TOM1L2: variants seen among roughly 807,000 people sequenced by gnomAD.
TOM1L2 encodes the protein TOM1-like protein 2.
In TOM1L2, 31 loss-of-function variants were observed where a neutral mutation model predicts 67.9. The ratio of observed to expected loss-of-function variants is 0.46; its 90% CI spans 0.34 to 0.62. TOM1L2 has a LOEUF of 0.62. TOM1L2 is among the 20% of genes least tolerant of loss of function. TOM1L2 has a pLI of 0.01. For missense variants in TOM1L2, 606 were observed against 663.5 expected (o/e 0.91, Z 0.95); for synonymous variants, 256 against 254.0 (o/e 1.01, Z -0.07).
intron 1 of TOM1L2, among the ~76,000 whole-genome samples, chr17:17,939,487 T>A (rs1478976342): frequency 2.0e-5 from 3 of 152,240 alleles, no homozygotes; most frequent in African/African-American, 7.2e-5. Context: ...GTTTCTAAAA[T>A]GAGTCATTTT....
At position 17,862,800 on chromosome 17, in the gene TOM1L2, C is replaced by A. The variant is rs139141212; in HGVS notation, c.1133G>T (p.Cys378Phe). ...CATGTCAAAGCCGTCACGGGGATTACATTGCTGGAGTGAACTGAGGGTGCC... is the reference window on the plus strand; with the variant it reads ...CATGTCAAAGCCGTCACGGGGATTAAATTGCTGGAGTGAACTGAGGGTGCC... ...VSGTLSSLQQ[C>F]NPRDGFDMFA... The change falls in exon 11 of 15, where the codon TGT becomes TTT. Residue 378 changes from cysteine to phenylalanine, a missense_variant. Transcript: ENST00000379504. The A allele has an allele frequency of 9.2e-4, 1,492 of 1,614,180 alleles. 7 individuals carry two copies. Among genetic ancestry groups the A allele is most frequent in the Admixed American group, 9.5e-4 (57 of 60,026 alleles).
chr17:17,969,508 C>T (rs2041989679), intron 1 of TOM1L2, among the ~76,000 whole-genome samples: 1 of 149,382 alleles, frequency 6.7e-6, no homozygotes, highest in Non-Finnish European at 1.5e-5. Context: ...TTTGTCACAA[C>T]AGTACGGAAT....
At chr17:17,913,937 GT>G (rs1389924772) in intron 1 of TOM1L2, among the ~76,000 whole-genome samples, 2 of 152,184 alleles carry the variant, frequency 1.3e-5, no homozygotes, top group African/African-American at 4.8e-5. Context: ...ATGAGAGTCT[GT>G]GCCACAGCTT....
intron 3 of TOM1L2, among the ~76,000 whole-genome samples, chr17:17,897,035 G>T (rs998904232): frequency 2.0e-5 from 3 of 152,164 alleles, no homozygotes; most frequent in Admixed American, 6.5e-5. Flanking sequence ...CCCAAGGAAA[G>T]GTCAAACAGT....
intron 1 of TOM1L2, among the ~76,000 whole-genome samples, chr17:17,922,874 G>A (rs1331306336): frequency 1.3e-5 from 2 of 152,166 alleles, no homozygotes; most frequent in Non-Finnish European, 2.9e-5. Context: ...GCCTCCAGGT[G>A]GAATAGTGAA....
chr17:17,888,209 C>T (rs1299607863), intron 4 of TOM1L2, among the ~76,000 whole-genome samples: 1 of 152,172 alleles, frequency 6.6e-6, no homozygotes, highest in Non-Finnish European at 1.5e-5. Context: ...CACTGGAAGC[C>T]TTCTTTTCCT....
At position 17,848,853 on chromosome 17, in the gene TOM1L2, C is replaced by A. The variant is rs1489596178; in HGVS notation, c.1345G>T (p.Asp449Tyr). Residue 449 changes from aspartate to tyrosine, a missense_variant, in exon 14 of 15, where the codon GAT (aspartate) becomes TAT (tyrosine). Transcript: ENST00000379504. ...EVWLRTDLKGDDLEEGVTSEE... is the reference protein window; with the variant it reads ...EVWLRTDLKGYDLEEGVTSEE... ...CTTGTGACACCCTCCTCCAGATCATCACCCTTCTGTGGGAGGAGCAGAGAA... is the reference window on the plus strand; with the variant it reads ...CTTGTGACACCCTCCTCCAGATCATAACCCTTCTGTGGGAGGAGCAGAGAA... 12 of 1,614,068 alleles carry A rather than the reference C, an allele frequency of 7.4e-6. No individual in the cohort carries two copies. The highest frequency in any genetic ancestry group is 1.3e-5 in the African/African-American group (1 of 74,938).
chr17:17,966,557 T>A (rs2041877887), intron 1 of TOM1L2, among the ~76,000 whole-genome samples: 1 of 152,190 alleles, frequency 6.6e-6, no homozygotes, highest in Non-Finnish European at 1.5e-5. Context: ...GAGGGTAGGA[T>A]CCACTTTTAA....
At chr17:17,890,678 GAA>G (rs1477339567) in intron 4 of TOM1L2, among the ~76,000 whole-genome samples, 5 of 152,334 alleles carry the variant, frequency 3.3e-5, no homozygotes, top group Admixed American at 6.5e-5. Context: ...CAGGAACAGA[GAA>G]GACTCGTCTA....
chr17:17,885,473 C>T lies in TOM1L2; in HGVS notation c.367-705G>A, dbSNP rs139344560. 1.5e-3 allele frequency among the ~76,000 whole-genome samples: 227 copies of T among 152,322 alleles called. 1 individual carries two copies. Among genetic ancestry groups the T allele is most frequent in the African/African-American group, 4.7e-3 (195 of 41,576 alleles). ...AGACCCAAGCTTCTTTCATGATGTC[C>T]GCTGCCAAAAATGTCAGCACATGTG... On this transcript the variant is annotated intron_variant, in intron 4 of 14. Coordinates refer to ENST00000379504, the MANE Select transcript of TOM1L2 (RefSeq NM_001082968.2).
At chr17:17,961,080 C>T (rs547954058) in intron 1 of TOM1L2, among the ~76,000 whole-genome samples, 7 of 152,124 alleles carry the variant, frequency 4.6e-5, no homozygotes, top group East Asian at 1.9e-4. Context: ...CTCCTAAAAC[C>T]GAACAACAAC....
intron 10 of TOM1L2, among the ~76,000 whole-genome samples, chr17:17,866,060 A>G (rs1568098833): frequency 1.3e-5 from 2 of 151,970 alleles, no homozygotes; most frequent in Non-Finnish European, 2.9e-5. Flanking sequence ...TCTTTAATTC[A>G]TTGGAATTTC....
intron 14 of TOM1L2, among the ~76,000 whole-genome samples, 190 bp downstream of exon 14, chr17:17,848,633 G>A (rs1472343657): frequency 2.6e-5 from 4 of 152,234 alleles, no homozygotes; most frequent in Admixed American, 6.5e-5. Flanking sequence ...CCCAATAAGC[G>A]AGATAAATCA....
chr17:17,853,110 C>T (rs1326626081), intron 12 of TOM1L2, among the ~76,000 whole-genome samples: 1 of 152,166 alleles, frequency 6.6e-6, no homozygotes, highest in Non-Finnish European at 1.5e-5. Flanking sequence ...TTGAGACATT[C>T]CTGGAACAGG....
chr17:17,963,824 C>T (rs1037771691), intron 1 of TOM1L2, among the ~76,000 whole-genome samples: 1 of 152,130 alleles, frequency 6.6e-6, no homozygotes, highest in East Asian at 1.9e-4. Context: ...TAAATAACAA[C>T]AGTAACAGTG....
chr17:17,869,520 G>A (rs774969443), intron 7 of TOM1L2, 47 bp from the exon 8 acceptor site: 27 of 1,554,236 alleles, frequency 1.7e-5, no homozygotes, highest in African/African-American at 4.1e-5. Flanking sequence ...TGTGCTTTTC[G>A]TCACATTCTA....
At chr17:17,871,748 TCA>T (rs1204208743) in intron 7 of TOM1L2, among the ~76,000 whole-genome samples, 1 of 152,214 alleles carries the variant, frequency 6.6e-6, no homozygotes, top group Admixed American at 6.5e-5. Context: ...CCACATACTC[TCA>T]GTCTTCTCAG....
chr17:17,857,949 GC>G, intron 12 of TOM1L2: 1 of 1,150,586 alleles, frequency 8.7e-7, no homozygotes, highest in Non-Finnish European at 1.2e-6. Context: ...GTGATCCTTT[GC>G]CACGTAAGGA....
At chr17:17,942,716 A>G (rs2040784547) in intron 1 of TOM1L2, among the ~76,000 whole-genome samples, 1 of 152,236 alleles carries the variant, frequency 6.6e-6, no homozygotes, top group African/African-American at 2.4e-5. Context: ...TGTCTGCTCC[A>G]AAGACTGTTC....
Sources: allele counts gnomAD v4.1 joint callset (sites outside exome capture counted in the v4.1 genomes callset), GRCh38; gene constraint gnomAD v4.1.1; transcripts MANE v1.5; gene names NCBI Gene and HGNC (gene_info 2026-07-23, HGNC 2026-07-21).